Variants in FGF12 observed in about 807,000 individuals in gnomAD.
The protein encoded by FGF12 is fibroblast growth factor 12B.
A neutral mutation model predicts 23.6 loss-of-function variants in FGF12; 14 were observed. The observed-to-expected ratio is 0.59, with a 90% confidence interval of 0.39 to 0.93. The LOEUF (loss-of-function observed/expected upper bound fraction) is 0.93, where lower values mean the gene tolerates loss of function less well. FGF12 is among the 40% of genes least tolerant of loss of function. The pLI is 0.00. For missense variants in FGF12, 175 were observed against 217.8 expected, an observed-to-expected ratio of 0.80 and a Z score of 1.24; for synonymous variants, 62 against 77.3, an observed-to-expected ratio of 0.80 and a Z score of 1.04.
intron 2 of FGF12, among the ~76,000 whole-genome samples, chr3:192,400,975 G>T (rs2710785): frequency 0.71 from 107,903 of 152,036 alleles, 38,524 homozygotes; most frequent in African/African-American, 0.77. Flanking sequence ...CTCCTAGAAA[G>T]TATTGAGTAC....
chr3:192,489,240 C>A (rs74458211), intron 2 of FGF12, among the ~76,000 whole-genome samples: 9,460 of 151,996 alleles, frequency 0.062, 1,016 homozygotes, highest in African/African-American at 0.22. Context: ...AAATACTACA[C>A]ATAAAAAGAC....
At chr3:192,482,051 C>G in intron 2 of FGF12, among the ~76,000 whole-genome samples, 1 of 152,100 alleles carries the variant, frequency 6.6e-6, no homozygotes, top group East Asian at 1.9e-4. Flanking sequence ...CCAATGTTTG[C>G]TACTATGTCA....
At chr3:192,185,452 G>C (rs1716403881) in intron 4 of FGF12, among the ~76,000 whole-genome samples, 1 of 152,166 alleles carries the variant, frequency 6.6e-6, no homozygotes, top group East Asian at 1.9e-4. Context: ...ATTACAGATA[G>C]CTTCCAGCAG....
intron 2 of FGF12, among the ~76,000 whole-genome samples, chr3:192,389,086 G>A (rs572269904): frequency 7.9e-5 from 12 of 152,288 alleles, no homozygotes; most frequent in East Asian, 5.8e-4. Context: ...ATGGCCGGGC[G>A]CGGTGGCTCA....
At chr3:192,723,032 G>A (rs1719089824) in intron 2 of FGF12, among the ~76,000 whole-genome samples, 1 of 152,082 alleles carries the variant, frequency 6.6e-6, no homozygotes, top group Non-Finnish European at 1.5e-5. Flanking sequence ...TGAACAGAGA[G>A]GTATGACAAT....
At chr3:192,306,077 G>A (rs2108664806) in intron 4 of FGF12, among the ~76,000 whole-genome samples, 1 of 151,882 alleles carries the variant, frequency 6.6e-6, no homozygotes, top group South Asian at 2.1e-4. Context: ...AGCCAGGATG[G>A]CCTCGATCTC....
At chr3:192,328,385 T>C (rs1007324295) in intron 4 of FGF12, among the ~76,000 whole-genome samples, 4 of 152,172 alleles carry the variant, frequency 2.6e-5, no homozygotes, top group Non-Finnish European at 5.9e-5. Context: ...CAGACGCCAA[T>C]GACATCTCTT....
In FGF12 at chr3:192,674,887, G is replaced by T. The variant is rs115689489; in HGVS notation, c.13+52294C>A. 5.2e-3 allele frequency among the ~76,000 whole-genome samples: 791 copies of T among 152,294 alleles called. 8 individuals are homozygous for T. Among genetic ancestry groups the T allele is most frequent in the African/African-American group, 0.017 (719 of 41,556 alleles). ...GTTTACAGTTTCTGTCACAGCAAGG[G>T]TGTAGAGAAGGATAGGTTTTAGGCC... is the stretch of plus-strand genomic sequence containing the variant. On this transcript the variant is annotated intron_variant, in intron 2 of 5. Coordinates refer to ENST00000445105, the MANE Select transcript of FGF12 (RefSeq NM_004113.6).
chr3:192,548,615 T>G (rs1050337413), intron 2 of FGF12, among the ~76,000 whole-genome samples: 1 of 152,210 alleles, frequency 6.6e-6, no homozygotes, highest in Non-Finnish European at 1.5e-5. Context: ...GGTTAACTAA[T>G]TAATCAAGGT....
At chr3:192,486,531 A>G in intron 2 of FGF12, among the ~76,000 whole-genome samples, 1 of 152,080 alleles carries the variant, frequency 6.6e-6, no homozygotes, top group East Asian at 1.9e-4. Context: ...AAAAGCCTCT[A>G]GTGTCGGAAA....
intron 2 of FGF12, among the ~76,000 whole-genome samples, chr3:192,619,949 G>C (rs1714909674): frequency 1.3e-5 from 2 of 152,224 alleles, no homozygotes; most frequent in Admixed American, 1.3e-4. Flanking sequence ...GGGACAGGTA[G>C]CTGAGATGGG....
chr3:192,660,457 A>C (rs1356839832), intron 2 of FGF12, among the ~76,000 whole-genome samples: 1 of 151,650 alleles, frequency 6.6e-6, no homozygotes, highest in Non-Finnish European at 1.5e-5. Context: ...ACATGTATAC[A>C]TATGTAACAA....
At chr3:192,662,560 T>C (rs1159200680) in intron 2 of FGF12, among the ~76,000 whole-genome samples, 2 of 152,212 alleles carry the variant, frequency 1.3e-5, no homozygotes, top group Non-Finnish European at 2.9e-5. Context: ...ACTTGGATCC[T>C]CTACAAAGAG....
intron 2 of FGF12, among the ~76,000 whole-genome samples, chr3:192,710,317 A>C (rs1718623320): frequency 6.6e-6 from 1 of 152,212 alleles, no homozygotes; most frequent in Non-Finnish European, 1.5e-5. Flanking sequence ...AGTAAGGATA[A>C]AATATTGAAC....
intron 2 of FGF12, among the ~76,000 whole-genome samples, chr3:192,549,095 T>C (rs1389880927): frequency 1.3e-5 from 2 of 152,162 alleles, no homozygotes; most frequent in Non-Finnish European, 1.5e-5. Context: ...ACACTAACTG[T>C]TGCTCAGGCT....
chr3:192,581,418 A>G (rs1713132527), intron 2 of FGF12, among the ~76,000 whole-genome samples: 1 of 149,736 alleles, frequency 6.7e-6, no homozygotes, highest in Admixed American at 6.7e-5. Flanking sequence ...ATATATATAT[A>G]TGTGTGTGTA....
chr3:192,381,983 C>T (rs1719834118), intron 2 of FGF12, among the ~76,000 whole-genome samples: 1 of 151,638 alleles, frequency 6.6e-6, no homozygotes, highest in Non-Finnish European at 1.5e-5. Flanking sequence ...GTTATGTAGA[C>T]TAGCATAACA....
At chr3:192,419,364 C>T (rs73064263) in intron 2 of FGF12, among the ~76,000 whole-genome samples, 61 of 152,146 alleles carry the variant, frequency 4.0e-4, no homozygotes, top group African/African-American at 1.4e-3. Flanking sequence ...GAAAGTGAGG[C>T]CTATGTTCAA....
At chr3:192,282,161 A>T (rs1442358805) in intron 4 of FGF12, among the ~76,000 whole-genome samples, 1 of 152,134 alleles carries the variant, frequency 6.6e-6, no homozygotes, top group Non-Finnish European at 1.5e-5. Context: ...TTTCTGAACA[A>T]TTGTCTGATT....
Sources: gnomAD v4.1 joint callset for allele counts (sites outside exome capture counted in the v4.1 genomes callset) on GRCh38, gnomAD v4.1.1 for gene constraint, MANE v1.5 for transcripts, NCBI Gene and HGNC (gene_info 2026-07-23, HGNC 2026-07-21) for gene names.